Variants in MORN5 observed in about 807,000 individuals in gnomAD.
The protein encoded by MORN5 is MORN repeat containing 5.
In MORN5, 21 loss-of-function variants were observed where a neutral mutation model predicts 22.1. The ratio of observed to expected loss-of-function variants is 0.95; its 90% CI spans 0.67 to 1.37. The LOEUF is 1.37. Among genes scored for constraint, MORN5 ranks in the 40% most tolerant of loss-of-function variants. The probability of loss-of-function intolerance (pLI) is 0.00; values close to 1 mark genes in which losing one functional copy is unlikely to be tolerated. For missense variants in MORN5, 211 were observed against 215.1 expected (o/e 0.98, Z 0.12); for synonymous variants, 73 against 74.0 (o/e 0.99, Z 0.07).
At chr9:122,167,926 T>A (rs1249380104) in intron 2 of MORN5, among the ~76,000 whole-genome samples, 1 of 152,184 alleles carries the variant, frequency 6.6e-6, no homozygotes, top group African/African-American at 2.4e-5. Context: ...GCTTTCATCA[T>A]CACGTCACCC....
chr9:122,195,732 C>A (rs1405585882), intron 4 of MORN5, among the ~76,000 whole-genome samples: 1 of 152,192 alleles, frequency 6.6e-6, no homozygotes, highest in African/African-American at 2.4e-5. Context: ...CTTTCCCCTG[C>A]TCCCTTTCCA....
At position 122,166,209 on chromosome 9, in the gene MORN5, G is replaced by T. The variant is rs577814999; in HGVS notation, c.48-559G>T. Among the ~76,000 whole-genome samples the T allele has an allele frequency of 3.6e-4, 54 of 152,086 alleles. 1 individual carries two copies. Among genetic ancestry groups the T allele is most frequent in the African/African-American group, 1.2e-3 (51 of 41,430 alleles). ...CACTGAGTCCCTCCCATGACATGTGGGGATTATGGGAGCTACAATTCCCGA... is the reference window on the plus strand; with the variant it reads ...CACTGAGTCCCTCCCATGACATGTGTGGATTATGGGAGCTACAATTCCCGA... On this transcript the variant is annotated intron_variant, in intron 1 of 4. Transcript: ENST00000373764.
chr9:122,166,684 G>C (rs1047455989), intron 1 of MORN5, 84 bp from the exon 2 acceptor site: 1 of 1,279,104 alleles, frequency 7.8e-7, no homozygotes, highest in Non-Finnish European at 1.1e-6. Flanking sequence ...TGCTGAGAAC[G>C]GGGTTCCTGC....
intron 4 of MORN5, among the ~76,000 whole-genome samples, chr9:122,178,846 G>T (rs1829493125): frequency 6.6e-6 from 1 of 152,174 alleles, no homozygotes; most frequent in African/African-American, 2.4e-5. Flanking sequence ...AGTACCAAGA[G>T]GTGTCCTGGA....
At chr9:122,199,615 G>A (rs1829968099) in intron 4 of MORN5, among the ~76,000 whole-genome samples, 2 of 152,200 alleles carry the variant, frequency 1.3e-5, no homozygotes, top group Admixed American at 1.3e-4. Context: ...TGCCTGTCAG[G>A]ATGAGTCCAG....
At chr9:122,173,704 A>T (rs377640111) in intron 3 of MORN5, among the ~76,000 whole-genome samples, 11 of 152,160 alleles carry the variant, frequency 7.2e-5, no homozygotes, top group Non-Finnish European at 1.2e-4. Flanking sequence ...AGGTGCACTC[A>T]ATCTTCTTTC....
chr9:122,193,730 C>G (rs1478111910), intron 4 of MORN5, among the ~76,000 whole-genome samples: 2 of 152,226 alleles, frequency 1.3e-5, no homozygotes, highest in African/African-American at 2.4e-5. Context: ...TTCTGAGAGG[C>G]CCTGAACCCA....
At chr9:122,190,917 C>A (rs1258049824) in intron 4 of MORN5, among the ~76,000 whole-genome samples, 1 of 152,256 alleles carries the variant, frequency 6.6e-6, no homozygotes, top group Admixed American at 6.5e-5. Flanking sequence ...TGTGGCAGGG[C>A]GGTGAATGGG....
chr9:122,199,198 A>T (rs537188302), intron 4 of MORN5, among the ~76,000 whole-genome samples: 2 of 152,348 alleles, frequency 1.3e-5, no homozygotes, highest in Admixed American at 6.5e-5. Flanking sequence ...CCTAGGTTCT[A>T]GTCTGAGCTC....
At chr9:122,163,312 G>A (rs1192821354) in intron 1 of MORN5, among the ~76,000 whole-genome samples, 2 of 152,172 alleles carry the variant, frequency 1.3e-5, no homozygotes, top group Non-Finnish European at 2.9e-5. Context: ...GGAAAAGTAA[G>A]GCTCGGAGTA....
At chr9:122,167,353 CTT>C (rs61672512) in intron 2 of MORN5, among the ~76,000 whole-genome samples, 2,426 of 104,474 alleles carry the variant, frequency 0.023, 53 homozygotes, top group African/African-American at 0.083. Flanking sequence ...CGCACCTGAC[CTT>C]TTTTTTTTTT....
intron 2 of MORN5, among the ~76,000 whole-genome samples, chr9:122,169,169 C>T (rs955759797): frequency 1.3e-5 from 2 of 152,174 alleles, no homozygotes; most frequent in African/African-American, 4.8e-5. Flanking sequence ...CTCAGCCCAC[C>T]GATTAAAATG....
At chr9:122,182,998 T>G (rs1829559590) in intron 4 of MORN5, among the ~76,000 whole-genome samples, 2 of 152,226 alleles carry the variant, frequency 1.3e-5, no homozygotes, top group Admixed American at 6.5e-5. Context: ...CCTCTCTAGA[T>G]AGGGGCATGT....
chr9:122,163,561 A>G (rs965994332), intron 1 of MORN5, among the ~76,000 whole-genome samples: 5 of 152,222 alleles, frequency 3.3e-5, no homozygotes, highest in Non-Finnish European at 4.4e-5. Context: ...TTCTTTTTCT[A>G]GAAGTTTTTA....
At chr9:122,198,163 G>C (rs905291155) in intron 4 of MORN5, among the ~76,000 whole-genome samples, 2 of 152,146 alleles carry the variant, frequency 1.3e-5, no homozygotes, top group African/African-American at 4.8e-5. Context: ...CTGTTACAAA[G>C]ATCCAATGAG....
intron 1 of MORN5, among the ~76,000 whole-genome samples, chr9:122,165,730 C>T (rs559920869): frequency 7.2e-5 from 11 of 152,274 alleles, no homozygotes; most frequent in African/African-American, 2.6e-4. Context: ...TGTGAGCCCC[C>T]CGAGGACAGG....
chr9:122,189,603 AT>A (rs1435946957), intron 4 of MORN5, among the ~76,000 whole-genome samples: 4 of 151,498 alleles, frequency 2.6e-5, no homozygotes, highest in Admixed American at 1.3e-4. Context: ...GTCTATAAAA[AT>A]TTTTTTTCTT....
At chr9:122,187,747 T>C (rs1204579693) in intron 4 of MORN5, among the ~76,000 whole-genome samples, 3 of 152,228 alleles carry the variant, frequency 2.0e-5, no homozygotes, top group South Asian at 4.1e-4. Context: ...CGATGTTTAA[T>C]TTTAAATATC....
intron 4 of MORN5, among the ~76,000 whole-genome samples, chr9:122,193,200 C>T (rs1258442934): frequency 6.6e-6 from 1 of 152,172 alleles, no homozygotes; most frequent in Non-Finnish European, 1.5e-5. Flanking sequence ...CCTTTCCTGA[C>T]CATAGTGCCT....
Sources: allele counts gnomAD v4.1 joint callset (sites outside exome capture counted in the v4.1 genomes callset), GRCh38; gene constraint gnomAD v4.1.1; transcripts MANE v1.5; gene names NCBI Gene and HGNC (gene_info 2026-07-23, HGNC 2026-07-21).